Variants in NEBL observed in about 807,000 individuals in gnomAD.
The protein encoded by NEBL is nebulette, also known as LIM and SH3 protein 2.
NEBL carries 122 observed loss-of-function variants against 140.2 expected under a neutral mutation model. The ratio of observed to expected loss-of-function variants is 0.87; its 90% confidence interval spans 0.75 to 1.01. The LOEUF is 1.01. NEBL is among the 50% of genes least tolerant of loss of function. NEBL has a pLI of 0.00. For synonymous variants in NEBL, 436 were observed against 398.9 expected (o/e 1.09, Z -1.11); for missense variants, 1,365 against 1,231.3 (o/e 1.11, Z -1.62).
intron 2 of NEBL, among the ~76,000 whole-genome samples, chr10:21,038,438 A>G (rs1190028463): frequency 6.6e-6 from 1 of 151,932 alleles, no homozygotes; most frequent in Non-Finnish European, 1.5e-5. Flanking sequence ...TTCAACTCCC[A>G]CTTATGAGTG....
intron 15 of NEBL, 52 bp from the exon 16 acceptor site, chr10:20,831,358 G>A (rs1462493398): frequency 6.6e-7 from 1 of 1,525,154 alleles, no homozygotes. Flanking sequence ...TAATAGCGAT[G>A]TTGAAATTTA....
chr10:20,815,859 C>G lies in NEBL; in HGVS notation c.2149-142G>C, dbSNP rs1279358250. 5 of 687,232 alleles carry G rather than the reference C, an allele frequency of 7.3e-6. No individual in the cohort carries two copies. In the East Asian group the frequency reaches 1.4e-4, roughly 19 times the overall value. 42.6% of individuals were successfully genotyped at this position (687,232 alleles called of 1,614,324 possible). A position where few individuals can be genotyped will look rare whatever the true frequency, so the allele number is the denominator to read the frequency against. ...TCTTTGCTCACCACAGCCTCGATCT[C>G]CCAGGCTCAGGCAATCCTCCCACCT... On this transcript the variant is annotated intron_variant, in intron 21 of 27. Coordinates refer to ENST00000377122, the MANE Select transcript of NEBL (RefSeq NM_006393.3).
intron 4 of NEBL, among the ~76,000 whole-genome samples, chr10:20,905,189 T>G (rs1453497143): frequency 6.6e-6 from 1 of 152,168 alleles, no homozygotes; most frequent in Non-Finnish European, 1.5e-5. Flanking sequence ...ATTTGGCACT[T>G]TTTGGAGAAA....
chr10:21,109,248 TGAGA>T (rs1564514260), intron 2 of NEBL, among the ~76,000 whole-genome samples: 2 of 152,226 alleles, frequency 1.3e-5, no homozygotes, highest in Non-Finnish European at 2.9e-5. Context: ...CTGCATCTAC[TGAGA>T]GAATCATGTG....
chr10:21,004,693 C>A (rs1838050819), intron 3 of NEBL, among the ~76,000 whole-genome samples: 1 of 151,488 alleles, frequency 6.6e-6, no homozygotes, highest in South Asian at 2.1e-4. Context: ...GCACTCCAGC[C>A]TGGGGCACAA....
intron 5 of NEBL, among the ~76,000 whole-genome samples, chr10:20,875,513 T>A (rs950508583): frequency 3.3e-5 from 5 of 152,234 alleles, no homozygotes; most frequent in African/African-American, 9.6e-5. Flanking sequence ...CAGACACATG[T>A]GCAGCTGGAG....
intron 2 of NEBL, among the ~76,000 whole-genome samples, chr10:21,152,536 C>G (rs1169012758): frequency 6.6e-6 from 1 of 151,604 alleles, no homozygotes. Context: ...GATTATGCTA[C>G]TGCACTCCAG....
intron 3 of NEBL, among the ~76,000 whole-genome samples, chr10:20,968,932 T>G (rs1461961460): frequency 6.6e-6 from 1 of 152,220 alleles, no homozygotes; most frequent in Non-Finnish European, 1.5e-5. Context: ...CATCATCATC[T>G]TATATCTTTC....
intron 2 of NEBL, among the ~76,000 whole-genome samples, chr10:21,065,207 C>G (rs1466287765): frequency 3.3e-5 from 5 of 152,144 alleles, no homozygotes; most frequent in Admixed American, 3.3e-4. Flanking sequence ...CAGCATATGC[C>G]TTAGTTACAA....
intron 3 of NEBL, among the ~76,000 whole-genome samples, chr10:21,211,470 C>G (rs1264678537): frequency 2.0e-5 from 3 of 151,976 alleles, no homozygotes; most frequent in African/African-American, 7.3e-5. Context: ...GACTCTATCA[C>G]AAAAGAAAAA....
chr10:20,845,091 T>C (rs948778116), intron 12 of NEBL, among the ~76,000 whole-genome samples, 167 bp downstream of exon 12: 4 of 152,096 alleles, frequency 2.6e-5, no homozygotes, highest in African/African-American at 9.7e-5. Context: ...ACACACTTTC[T>C]TGTTTCTAAT....
At chr10:21,003,280 C>G (rs1047752216) in intron 3 of NEBL, among the ~76,000 whole-genome samples, 2 of 152,180 alleles carry the variant, frequency 1.3e-5, no homozygotes, top group African/African-American at 2.4e-5. Context: ...TGACCTCCCA[C>G]GCCATGCAGC....
At chr10:21,098,280 A>G (rs1423486419) in intron 2 of NEBL, among the ~76,000 whole-genome samples, 1 of 152,194 alleles carries the variant, frequency 6.6e-6, no homozygotes, top group Admixed American at 6.5e-5. Flanking sequence ...TCACACAGAG[A>G]GTGCAGAAAT....
chr10:21,001,048 A>T (rs192212385), intron 3 of NEBL, among the ~76,000 whole-genome samples: 1 of 152,136 alleles, frequency 6.6e-6, no homozygotes, highest in Non-Finnish European at 1.5e-5. Flanking sequence ...CAGGAAACCA[A>T]TGCAGGTCCC....
At chr10:20,804,263 A>C (rs544349458) in intron 26 of NEBL, 88 of 152,332 alleles carry the variant, frequency 5.8e-4, no homozygotes, top group African/African-American at 2.0e-3. Flanking sequence ...GTAGTTAGAG[A>C]GGGTACCATC....
At chr10:21,167,665 A>G (rs1317518926) in intron 2 of NEBL, among the ~76,000 whole-genome samples, 1 of 152,232 alleles carries the variant, frequency 6.6e-6, no homozygotes, top group Non-Finnish European at 1.5e-5. Context: ...AACAAATTAA[A>G]TAATTTATTT....
At chr10:21,165,103 G>A (rs963769310) in intron 2 of NEBL, among the ~76,000 whole-genome samples, 1 of 152,152 alleles carries the variant, frequency 6.6e-6, no homozygotes, top group Non-Finnish European at 1.5e-5. Flanking sequence ...TGACATTTGG[G>A]TCCTGAAGTG....
chr10:20,880,117 C>A (rs1450744684), intron 5 of NEBL, among the ~76,000 whole-genome samples: 1 of 152,120 alleles, frequency 6.6e-6, no homozygotes. Flanking sequence ...AATCCCAGCA[C>A]TTTGGGAGGT....
intron 3 of NEBL, among the ~76,000 whole-genome samples, chr10:21,190,220 C>G (rs1027772736): frequency 5.3e-5 from 8 of 152,086 alleles, no homozygotes; most frequent in Non-Finnish European, 1.0e-4. Flanking sequence ...TGGCTTACGT[C>G]TGTAATCCCA....
Sources: gnomAD v4.1 joint callset for allele counts (sites outside exome capture counted in the v4.1 genomes callset) on GRCh38, gnomAD v4.1.1 for gene constraint, MANE v1.5 for transcripts, NCBI Gene and HGNC (gene_info 2026-07-23, HGNC 2026-07-21) for gene names.